Variants in ANKS1B observed in about 807,000 individuals in gnomAD.
ANKS1B encodes the protein ankyrin repeat and sterile alpha motif domain-containing protein 1B.
A neutral mutation model predicts 148.3 loss-of-function variants in ANKS1B; 36 were observed. That is an observed-to-expected ratio of 0.24 (90% CI 0.19 to 0.32). The LOEUF (loss-of-function observed/expected upper bound fraction) is 0.32. ANKS1B is among the 10% of genes least tolerant of loss of function. ANKS1B has a pLI of 1.00. For synonymous variants in ANKS1B, 542 were observed against 560.8 expected (o/e 0.97, Z 0.47); for missense variants, 1,157 against 1,542.6 (o/e 0.75, Z 4.19).
chr12:99,085,951 A>G (rs2051601749), intron 15 of ANKS1B, among the ~76,000 whole-genome samples: 1 of 152,180 alleles, frequency 6.6e-6, no homozygotes, highest in African/African-American at 2.4e-5. Flanking sequence ...TCTGTACAAC[A>G]AAGCCCCATG....
intron 11 of ANKS1B, among the ~76,000 whole-genome samples, chr12:99,413,618 T>G (rs1042050795): frequency 6.6e-6 from 1 of 152,250 alleles, no homozygotes; most frequent in Non-Finnish European, 1.5e-5. Flanking sequence ...CTACATTTTT[T>G]ATAAGAGAAA....
At chr12:99,296,747 C>G (rs1454949444) in intron 12 of ANKS1B, among the ~76,000 whole-genome samples, 1 of 152,028 alleles carries the variant, frequency 6.6e-6, no homozygotes, top group Admixed American at 6.6e-5. Context: ...ATCCCTGAAG[C>G]CAAAAAGTGC....
intron 12 of ANKS1B, among the ~76,000 whole-genome samples, chr12:99,321,563 A>G (rs929548449): frequency 6.6e-6 from 1 of 152,228 alleles, no homozygotes; most frequent in Non-Finnish European, 1.5e-5. Context: ...AATGCGCAGT[A>G]TTAGGGTGGG....
intron 9 of ANKS1B, among the ~76,000 whole-genome samples, chr12:99,558,694 C>T (rs190673254): frequency 2.8e-4 from 42 of 152,286 alleles, no homozygotes; most frequent in Admixed American, 1.6e-3. Context: ...GCTGGAGCCC[C>T]AGGAGAGGCC....
chr12:99,818,973 C>T (rs2082191646), intron 2 of ANKS1B, among the ~76,000 whole-genome samples: 2 of 151,766 alleles, frequency 1.3e-5, no homozygotes, highest in South Asian at 4.1e-4. Context: ...CAGCAAGATT[C>T]CCTGTAATTA....
At chr12:98,749,318 A>G (rs565365211) in intron 26 of ANKS1B, among the ~76,000 whole-genome samples, 78 of 151,606 alleles carry the variant, frequency 5.1e-4, no homozygotes, top group Non-Finnish European at 8.4e-4. Flanking sequence ...CGTGTTAGCC[A>G]GGAGAATCTC....
chr12:99,762,010 T>A (rs930133742), intron 8 of ANKS1B, among the ~76,000 whole-genome samples: 6 of 151,714 alleles, frequency 4.0e-5, no homozygotes, highest in Admixed American at 6.6e-5. Flanking sequence ...ATCTCTACAA[T>A]GAGAACTACA....
chr12:99,466,535 C>G (rs376995752), intron 10 of ANKS1B, among the ~76,000 whole-genome samples: 6,684 of 149,100 alleles, frequency 0.045, 538 homozygotes, highest in African/African-American at 0.16. Context: ...AATTGATAGA[C>G]CGCTAGCAAG....
chr12:99,703,806 A>G (rs2055274740), intron 8 of ANKS1B, among the ~76,000 whole-genome samples: 1 of 152,166 alleles, frequency 6.6e-6, no homozygotes, highest in Non-Finnish European at 1.5e-5. Flanking sequence ...TGCCTAGCGC[A>G]AAGCCTGGCA....
At chr12:99,019,900 T>A (rs976367297) in intron 17 of ANKS1B, among the ~76,000 whole-genome samples, 2 of 152,170 alleles carry the variant, frequency 1.3e-5, no homozygotes, top group African/African-American at 4.8e-5. Flanking sequence ...CTTGTAGAAT[T>A]TCAATATTCA....
intron 11 of ANKS1B, among the ~76,000 whole-genome samples, chr12:99,429,302 A>G (rs2095322864): frequency 6.6e-6 from 1 of 152,246 alleles, no homozygotes. Flanking sequence ...ATGCAATAAG[A>G]AAAACAGAGT....
At chr12:99,132,587 G>T (rs1399946769) in intron 15 of ANKS1B, among the ~76,000 whole-genome samples, 1 of 152,058 alleles carries the variant, frequency 6.6e-6, no homozygotes, top group South Asian at 2.1e-4. Context: ...GGTGAGTAGT[G>T]AAAGTCAACA....
chr12:99,966,316 T>C (rs1250823208), intron 1 of ANKS1B, among the ~76,000 whole-genome samples: 1 of 152,188 alleles, frequency 6.6e-6, no homozygotes, highest in East Asian at 1.9e-4. Flanking sequence ...ACAACTTACT[T>C]GCAAATGGTT....
At chr12:99,504,681 A>T in intron 9 of ANKS1B, 40 bp from the exon 10 acceptor site, 1 of 1,418,400 alleles carries the variant, frequency 7.1e-7, no homozygotes, top group Non-Finnish European at 9.4e-7. Context: ...TGTGATGAAG[A>T]AACAGCCTTG....
At chr12:99,588,540 C>T (rs1255376211) in intron 9 of ANKS1B, among the ~76,000 whole-genome samples, 5 of 151,594 alleles carry the variant, frequency 3.3e-5, no homozygotes, top group Non-Finnish European at 7.4e-5. Context: ...CCTCAGCCTC[C>T]TGAGTATCTG....
intron 9 of ANKS1B, among the ~76,000 whole-genome samples, chr12:99,641,503 C>T (rs1020010545): frequency 6.6e-6 from 1 of 152,034 alleles, no homozygotes; most frequent in African/African-American, 2.4e-5. Context: ...TGCTCTATGC[C>T]ACACATATAA....
chr12:99,143,452 T>C (rs1354346661), intron 15 of ANKS1B, among the ~76,000 whole-genome samples: 1 of 152,122 alleles, frequency 6.6e-6, no homozygotes, highest in Non-Finnish European at 1.5e-5. Flanking sequence ...TGAAATGAAG[T>C]CAGGGAGACG....
At chr12:98,807,703 A>G in intron 20 of ANKS1B, 141 bp downstream of exon 20, 1 of 551,148 alleles carries the variant, frequency 1.8e-6, no homozygotes, top group Non-Finnish European at 3.2e-6. Flanking sequence ...ATGAAGTATA[A>G]TAGACAAAGA....
At chr12:99,154,867 C>A in intron 14 of ANKS1B, 1 of 1,533,952 alleles carries the variant, frequency 6.5e-7, no homozygotes, top group South Asian at 1.2e-5. Context: ...CTTCATTACC[C>A]AGCCCAGGCT....
Sources: gnomAD v4.1 joint callset for allele counts (sites outside exome capture counted in the v4.1 genomes callset) on GRCh38, gnomAD v4.1.1 for gene constraint, MANE v1.5 for transcripts, NCBI Gene and HGNC (gene_info 2026-07-23, HGNC 2026-07-21) for gene names.